The following SMCO4 variants were observed in gnomAD, a reference collection of about 807,000 sequenced individuals.
The protein encoded by SMCO4 is single-pass membrane and coiled-coil domain-containing protein 4.
Under a neutral mutation model 3.6 loss-of-function variants are expected in SMCO4, and 4 were observed. The observed-to-expected ratio is 1.11, with a 90% CI of 0.54 to 2.53. The LOEUF is 2.53. Among genes scored for constraint, SMCO4 ranks in the 30% most tolerant of loss-of-function variants. SMCO4 has a pLI of 0.02. For missense variants in SMCO4, 70 were observed against 80.8 expected (o/e 0.87, Z 0.51); for synonymous variants, 36 against 35.3 (o/e 1.02, Z -0.07).
At chr11:93,545,179 T>C (rs1270358842), upstream of SMCO4, among the ~76,000 whole-genome samples, 1 of 152,162 alleles carries the variant, frequency 6.6e-6, no homozygotes, top group Non-Finnish European at 1.5e-5. Flanking sequence ...CTGCTAAAAA[T>C]TAATGAATAA....
intron 2 of SMCO4, chr11:93,481,515 GACAT>G: frequency 1.0e-6 from 1 of 985,390 alleles, no homozygotes; most frequent in Non-Finnish European, 1.2e-6. Flanking sequence ...CGTGCTAGCT[GACAT>G]ACCAACACCT....
chr11:93,513,160 T>C (rs1948974363), intron 1 of SMCO4, among the ~76,000 whole-genome samples: 1 of 152,250 alleles, frequency 6.6e-6, no homozygotes, highest in Non-Finnish European at 1.5e-5. Flanking sequence ...TCTGTGACCC[T>C]GGGCCAGCTT....
chr11:93,484,978 C>T (rs1948631826), intron 2 of SMCO4, among the ~76,000 whole-genome samples: 1 of 152,078 alleles, frequency 6.6e-6, no homozygotes, highest in Admixed American at 6.5e-5. Flanking sequence ...AAAATACACA[C>T]AAGATTTTGA....
At chr11:93,511,936 A>G (rs1948961409) in intron 1 of SMCO4, among the ~76,000 whole-genome samples, 1 of 152,198 alleles carries the variant, frequency 6.6e-6, no homozygotes, top group African/African-American at 2.4e-5. Flanking sequence ...TCACTGATCC[A>G]CCAAAAACTG....
chr11:93,547,250 G>A (rs10501804), upstream of SMCO4, among the ~76,000 whole-genome samples: 1,596 of 152,244 alleles, frequency 0.01, 26 homozygotes, highest in African/African-American at 0.036. Context: ...CTAGAAGAAC[G>A]TCAGCCTTGG....
At chr11:93,479,372 A>G in intron 2 of SMCO4, 103 bp from the exon 3 acceptor site, 1 of 1,129,570 alleles carries the variant, frequency 8.9e-7, no homozygotes, top group Non-Finnish European at 1.2e-6. Context: ...TGCAACTTAC[A>G]TGACAAAGGG....
At chr11:93,510,928 A>G (rs1360003255) in intron 1 of SMCO4, among the ~76,000 whole-genome samples, 2 of 152,126 alleles carry the variant, frequency 1.3e-5, no homozygotes, top group African/African-American at 2.4e-5. Flanking sequence ...GTGAAACCCC[A>G]TCTCTACTAA....
In SMCO4 at chr11:93,478,773, C is replaced by T; in HGVS notation, c.*237G>A. 4 of 1,241,342 alleles carry T rather than the reference C, an allele frequency of 3.2e-6. No individual in the cohort carries two copies. The South Asian group carries it at 9.0e-5, about 28-fold the overall frequency. 76.9% of individuals were successfully genotyped at this position (1,241,342 alleles called of 1,614,324 possible). A position where few individuals can be genotyped will look rare whatever the true frequency, so the allele number is the denominator to read the frequency against. ...CACACATGCGCGCGCGCTTTGAAGT[C>T]TGAAAGGCACATGAAGTGGACCATA... On this transcript the variant is annotated 3_prime_UTR_variant, in exon 3 of 3. Coordinates refer to ENST00000298966, the MANE Select transcript of SMCO4 (RefSeq NM_020179.3).
chr11:93,514,413 T>TATATATAAACACAC (rs1555077563), intron 1 of SMCO4, among the ~76,000 whole-genome samples: 1 of 33,950 alleles, frequency 2.9e-5, no homozygotes, highest in African/African-American at 9.3e-5. Flanking sequence ...TATATATATA[T>TATATATAAACACAC]ATATATATAA....
intron 1 of SMCO4, among the ~76,000 whole-genome samples, chr11:93,540,838 CCTTTA>C (rs1949265479): frequency 6.6e-6 from 1 of 152,104 alleles, no homozygotes; most frequent in African/African-American, 2.4e-5. Flanking sequence ...ATTAATCAAG[CCTTTA>C]CTTGTTGGAG....
chr11:93,547,764 C>G (rs562495448), upstream of SMCO4, among the ~76,000 whole-genome samples: 1 of 152,284 alleles, frequency 6.6e-6, no homozygotes, highest in South Asian at 2.1e-4. Flanking sequence ...GGAGAAAAGA[C>G]AAAGAGAATA....
chr11:93,513,709 G>A (rs961437806), intron 1 of SMCO4, among the ~76,000 whole-genome samples: 4 of 152,154 alleles, frequency 2.6e-5, no homozygotes, highest in African/African-American at 7.2e-5. Context: ...TTGGGTGGAG[G>A]TGACAAAAGG....
chr11:93,513,756 T>C (rs570887681), intron 1 of SMCO4, among the ~76,000 whole-genome samples: 2 of 152,252 alleles, frequency 1.3e-5, no homozygotes, highest in African/African-American at 2.4e-5. Flanking sequence ...CAAGATACTA[T>C]ATAGAGAGAT....
chr11:93,482,115 C>T (rs1379762438), intron 2 of SMCO4, among the ~76,000 whole-genome samples: 5 of 152,358 alleles, frequency 3.3e-5, no homozygotes, highest in African/African-American at 9.6e-5. Context: ...CAAACATGCC[C>T]GTCTGAATCC....
chr11:93,480,337 G>A (rs1948577181), intron 2 of SMCO4, among the ~76,000 whole-genome samples: 1 of 152,124 alleles, frequency 6.6e-6, no homozygotes, highest in African/African-American at 2.4e-5. Flanking sequence ...TGGAGCAGGA[G>A]GTGCCGAGCC....
chr11:93,521,068 A>C (rs1343355509), intron 1 of SMCO4, among the ~76,000 whole-genome samples: 1 of 152,228 alleles, frequency 6.6e-6, no homozygotes, highest in Non-Finnish European at 1.5e-5. Flanking sequence ...TTCCTAAGAA[A>C]TGTCATTTAT....
intron 1 of SMCO4, among the ~76,000 whole-genome samples, chr11:93,503,247 CA>C (rs929543220): frequency 6.6e-6 from 1 of 152,124 alleles, no homozygotes; most frequent in African/African-American, 2.4e-5. Flanking sequence ...TGGTGAAAGG[CA>C]AAAGGCATGT....
chr11:93,479,840 C>A (rs1407161878), intron 2 of SMCO4, among the ~76,000 whole-genome samples: 1 of 152,118 alleles, frequency 6.6e-6, no homozygotes, highest in African/African-American at 2.4e-5. Flanking sequence ...GTGTGCCAAG[C>A]ATTACTCAAG....
chr11:93,553,599 A>G, the SMCO4 span, among the ~76,000 whole-genome samples: 63 of 152,360 alleles, frequency 4.1e-4, no homozygotes, highest in African/African-American at 1.5e-3. Flanking sequence ...ACTGCTTTAA[A>G]ATTACAGTGT....
Sources: gnomAD v4.1 joint callset for allele counts (sites outside exome capture counted in the v4.1 genomes callset) on GRCh38, gnomAD v4.1.1 for gene constraint, MANE v1.5 for transcripts, NCBI Gene and HGNC (gene_info 2026-07-23, HGNC 2026-07-21) for gene names.